HPS3: variants seen among roughly 807,000 people sequenced by gnomAD.
HPS3 encodes BLOC-2 complex member HPS3.
HPS3 carries 79 observed loss-of-function variants against 110.9 expected under a neutral mutation model. The observed-to-expected ratio is 0.71, with a 90% CI of 0.59 to 0.86. The LOEUF is 0.86. Ranked by LOEUF, HPS3 falls within the 40% of genes least tolerant of loss-of-function variation. HPS3 has a pLI of 0.00. For missense variants in HPS3, 1,197 were observed against 1,206.2 expected (o/e 0.99, Z 0.11); for synonymous variants, 428 against 451.0 (o/e 0.95, Z 0.65).
intron 16 of HPS3, 144 bp from the exon 17 acceptor site, chr3:149,171,951 C>G: frequency 1.6e-6 from 1 of 629,000 alleles, no homozygotes. Flanking sequence ...GTGATCTGCC[C>G]ACCTCGGCCT....
At chr3:149,158,998 T>C in intron 10 of HPS3, 152 bp downstream of exon 10, 2 of 626,178 alleles carry the variant, frequency 3.2e-6, no homozygotes, top group South Asian at 4.0e-5. Context: ...TCTTCATTAA[T>C]GAAGATAGAA....
At chr3:149,163,218 A>C (rs1416981072) in intron 13 of HPS3, among the ~76,000 whole-genome samples, 3 of 152,178 alleles carry the variant, frequency 2.0e-5, no homozygotes, top group African/African-American at 7.2e-5. Context: ...CATAAGAGAG[A>C]AGACATCTGC....
At chr3:149,146,300 T>G (rs1055701653) in intron 5 of HPS3, among the ~76,000 whole-genome samples, 1 of 151,824 alleles carries the variant, frequency 6.6e-6, no homozygotes, top group Non-Finnish European at 1.5e-5. Context: ...CACACAAGAG[T>G]CACAGACACT....
Position 149,132,646 on chromosome 3 carries a change from C to G in HPS3, c.217+2706C>G, listed in dbSNP as rs370001719. On this transcript the variant is annotated intron_variant, in intron 1 of 16. Coordinates refer to ENST00000296051, the MANE Select transcript of HPS3 (RefSeq NM_032383.5). ...AGCATCCATTCCGCAGCCCATGGAT[C>G]AAGTAGTAATTTTGACTTTCAAGTC... Among the ~76,000 whole-genome samples, 3 of 152,288 alleles carry G rather than the reference C, an allele frequency of 2.0e-5. 1 individual carries two copies. The highest frequency in any genetic ancestry group is 7.2e-5 in the African/African-American group (3 of 41,564).
intron 4 of HPS3, among the ~76,000 whole-genome samples, chr3:149,143,373 G>A (rs1286332419): frequency 6.6e-6 from 1 of 152,176 alleles, no homozygotes; most frequent in East Asian, 1.9e-4. Context: ...TCAGTTCGCA[G>A]CTGAAGTGTA....
At chr3:149,153,047 T>C (rs1167320577) in intron 6 of HPS3, among the ~76,000 whole-genome samples, 1 of 152,194 alleles carries the variant, frequency 6.6e-6, no homozygotes, top group Non-Finnish European at 1.5e-5. Flanking sequence ...CTACAAGCAG[T>C]AGAATGTCCT....
intron 14 of HPS3, among the ~76,000 whole-genome samples, chr3:149,164,431 A>G (rs1724207463): frequency 6.6e-6 from 1 of 152,200 alleles, no homozygotes; most frequent in South Asian, 2.1e-4. Context: ...GGATGATTAG[A>G]GAATGTGGAT....
At chr3:149,141,643 C>G (rs1234966421) in intron 4 of HPS3, among the ~76,000 whole-genome samples, 7 of 148,690 alleles carry the variant, frequency 4.7e-5, no homozygotes, top group Non-Finnish European at 8.9e-5. Context: ...AAGTGATTCT[C>G]CTGCCTCAGC....
rs1174849391 is a variant in HPS3, at chr3:149,145,386, C to T, written c.1003C>T (p.Gln335Ter). The change falls in exon 5 of 17, where the codon CAG becomes TAG. Residue 335 changes from glutamine (Q) to a stop codon, truncating the protein, a stop_gained. Coordinates refer to ENST00000296051, the MANE Select transcript of HPS3 (RefSeq NM_032383.5). LOFTEE classifies it high-confidence loss of function. ...TACATCTGATGGAAAAAATTTGTCT[C>T]AGGAAAAAGAATTGCTGAGTCTCTT... is the stretch of plus-strand genomic sequence containing the variant. ...SLTSDGKNLS[Q>*]EKELLSLFCF... 2 of 1,613,952 alleles carry T rather than the reference C, an allele frequency of 1.2e-6. No individual in the cohort carries two copies. The highest frequency in any genetic ancestry group is 1.7e-6 in the Non-Finnish European group (2 of 1,179,918).
chr3:149,151,835 T>G (rs1559916147), intron 6 of HPS3, among the ~76,000 whole-genome samples: 1 of 152,174 alleles, frequency 6.6e-6, no homozygotes, highest in Non-Finnish European at 1.5e-5. Flanking sequence ...AAAAATTGGT[T>G]TATATCTGTC....
Position 149,160,099 on chromosome 3 carries a change from GC to G in HPS3, c.1930del (p.His644IlefsTer8). ...TTTATGTGGCTGAGCCAAAGCAAGTGCCCCATATTCTCTGTAGTCCTTCTAT... is the reference window on the plus strand; with the variant it reads ...TTTATGTGGCTGAGCCAAAGCAAGTGCCCATATTCTCTGTAGTCCTTCTAT... ...MFYVAEPKQV[P>X]HILCSPSMKN... On this transcript the variant is annotated frameshift_variant, in exon 11 of 17. Transcript: ENST00000296051. LOFTEE classifies it high-confidence loss of function. 1 of 1,613,916 alleles carries G rather than the reference GC, an allele frequency of 6.2e-7. No individual in the cohort carries two copies. The highest frequency in any genetic ancestry group is 1.1e-5 in the South Asian group (1 of 91,080).
At chr3:149,138,920 T>A (rs929064220) in intron 1 of HPS3, among the ~76,000 whole-genome samples, 1 of 152,236 alleles carries the variant, frequency 6.6e-6, no homozygotes, top group African/African-American at 2.4e-5. Flanking sequence ...GCACTGCTGC[T>A]GGTAACATGA....
chr3:149,142,148 C>T (rs1355738599), intron 4 of HPS3, among the ~76,000 whole-genome samples: 1 of 152,128 alleles, frequency 6.6e-6, no homozygotes, highest in East Asian at 1.9e-4. Context: ...CACACCCGGC[C>T]CAAAATCCTT....
chr3:149,162,475 A>G (rs1419029060), intron 12 of HPS3, 142 bp downstream of exon 12: 2 of 892,244 alleles, frequency 2.2e-6, no homozygotes, highest in East Asian at 5.2e-5. Context: ...AGATAAAAGT[A>G]CTAATTAAAA....
At chr3:149,165,685 G>T (rs1319570388) in intron 14 of HPS3, among the ~76,000 whole-genome samples, 1 of 151,694 alleles carries the variant, frequency 6.6e-6, no homozygotes, top group South Asian at 2.1e-4. Flanking sequence ...CTAAGTAAAA[G>T]TTCATGGGTA....
At position 149,140,446 on chromosome 3, in the gene HPS3, A is replaced by T. The variant is rs760546363; in HGVS notation, c.660A>T (p.Arg220Ser). 2.7e-5 allele frequency: 44 copies of T among 1,612,950 alleles called. No individual in the cohort carries two copies. The highest frequency in any genetic ancestry group is 3.5e-5 in the Non-Finnish European group (41 of 1,179,684). ...AGTCAGGCCCTAAAAATGGAGAGAG[A>T]GTTCACCACCATCCACATAAGACCA... Reference protein sequence around the residue: ...KLESGPKNGERVHHHPHKTNN... With the variant: ...KLESGPKNGESVHHHPHKTNN... Residue 220 changes from arginine (R) to serine (S), a missense_variant, in exon 2 of 17, where the codon AGA becomes AGT. Physicochemically the swap from Arg to Ser is moderately radical, Grantham distance 110. Coordinates refer to ENST00000296051, the MANE Select transcript of HPS3 (RefSeq NM_032383.5).
At chr3:149,143,685 G>A (rs954282469) in intron 4 of HPS3, among the ~76,000 whole-genome samples, 11 of 152,262 alleles carry the variant, frequency 7.2e-5, no homozygotes, top group African/African-American at 2.6e-4. Context: ...CATTATATGA[G>A]GTGTAAAATT....
intron 1 of HPS3, among the ~76,000 whole-genome samples, chr3:149,134,872 A>G (rs1461431331): frequency 1.3e-5 from 2 of 152,166 alleles, no homozygotes; most frequent in African/African-American, 2.4e-5. Context: ...TTGAACTTCA[A>G]CCCCTGGGTA....
chr3:149,157,686 G>A (rs1723541834), intron 9 of HPS3, among the ~76,000 whole-genome samples, 155 bp downstream of exon 9: 1 of 152,138 alleles, frequency 6.6e-6, no homozygotes, highest in Non-Finnish European at 1.5e-5. Flanking sequence ...TACTCTGTTA[G>A]GCACTGTGCT....
Sources: allele counts gnomAD v4.1 joint callset (sites outside exome capture counted in the v4.1 genomes callset), GRCh38; gene constraint gnomAD v4.1.1; transcripts MANE v1.5; gene names NCBI Gene and HGNC (gene_info 2026-07-23, HGNC 2026-07-21).